The following COLEC10 variants were observed in gnomAD, a reference collection of about 807,000 sequenced individuals.
The protein encoded by COLEC10 is collectin-10.
A neutral mutation model predicts 28.4 loss-of-function variants in COLEC10; 22 were observed. That is an observed-to-expected ratio of 0.78 (90% CI 0.55 to 1.11). The LOEUF (loss-of-function observed/expected upper bound fraction) is 1.11, where lower values mean the gene tolerates loss of function less well. Among genes scored for constraint, COLEC10 ranks in the 50% least tolerant of loss-of-function variants. The probability of loss-of-function intolerance (pLI) is 0.00; values close to 1 mark genes in which losing one functional copy is unlikely to be tolerated. For missense variants in COLEC10, 361 were observed against 344.1 expected (o/e 1.05, Z -0.39); for synonymous variants, 125 against 116.1 (o/e 1.08, Z -0.49).
chr8:119,026,775 T>C (rs2130118872), intron 2 of COLEC10, among the ~76,000 whole-genome samples: 1 of 152,280 alleles, frequency 6.6e-6, no homozygotes, highest in Admixed American at 6.5e-5. Flanking sequence ...AAGCCAATCT[T>C]ATGAGGATGT....
At chr8:119,038,635 A>G (rs190603998) in intron 2 of COLEC10, among the ~76,000 whole-genome samples, 1 of 152,358 alleles carries the variant, frequency 6.6e-6, no homozygotes, top group Admixed American at 6.5e-5. Flanking sequence ...TTGTTTTAGA[A>G]ATGTATTTAA....
At chr8:119,065,871 A>G (rs1814945646), upstream of COLEC10, among the ~76,000 whole-genome samples, 3 of 151,982 alleles carry the variant, frequency 2.0e-5, no homozygotes, top group African/African-American at 4.8e-5. Context: ...AAAAAAAGAA[A>G]AAAGAAAAGA....
intron 1 of COLEC10, among the ~76,000 whole-genome samples, chr8:119,073,460 C>T (rs1182857569): frequency 6.6e-6 from 1 of 151,946 alleles, no homozygotes; most frequent in Non-Finnish European, 1.5e-5. Flanking sequence ...AGGTGTTTTC[C>T]CAAAACTTTT....
the COLEC10 span, among the ~76,000 whole-genome samples, chr8:118,970,415 G>C: frequency 1.3e-5 from 2 of 151,966 alleles, no homozygotes; most frequent in Non-Finnish European, 2.9e-5. Context: ...GTCTCTGATA[G>C]TAGCAAGAGT....
At chr8:118,997,978 G>A (rs925838180) in intron 1 of COLEC10, among the ~76,000 whole-genome samples, 2 of 152,148 alleles carry the variant, frequency 1.3e-5, no homozygotes, top group Admixed American at 6.5e-5. Flanking sequence ...ACTCCATTAA[G>A]GTGGCAGCAT....
intron 2 of COLEC10, among the ~76,000 whole-genome samples, chr8:119,019,686 C>T (rs749126517): frequency 2.6e-5 from 4 of 152,140 alleles, no homozygotes; most frequent in Non-Finnish European, 5.9e-5. Flanking sequence ...CTTACTCTAA[C>T]CAGATTCCAC....
chr8:119,091,595 G>GAAAGAAAGAAAGAA (rs1554629267), intron 3 of COLEC10, among the ~76,000 whole-genome samples: 1 of 138,488 alleles, frequency 7.2e-6, no homozygotes, highest in African/African-American at 2.8e-5. Flanking sequence ...GAGAGAGAGA[G>GAAAGAAAGAAAGAA]AGAAAGAAAG....
Position 119,067,420 on chromosome 8 carries a change from G to A in COLEC10, c.139G>A (p.Gly47Arg), listed in dbSNP as rs755025868. Residue 47 changes from glycine to arginine, a missense_variant, in exon 1 of 6, where the codon GGA becomes AGA. By Grantham distance (125) the Gly-to-Arg change is moderately radical. Around this residue, in one of 3 missense-constraint regions of COLEC10, gnomAD observed 335 missense variants for 308.5 expected, o/e 1.09. Coordinates refer to ENST00000332843, the MANE Select transcript of COLEC10 (RefSeq NM_006438.5). ...EVCATHTISP[G>R]PKGDDGEKGD... Reference sequence around the variant, plus strand: ...CTGTGCCACACACACAATTTCACCAGGACCCAAAGGTGAGGAAAGAAAACC... The same window carrying A: ...CTGTGCCACACACACAATTTCACCAAGACCCAAAGGTGAGGAAAGAAAACC... The A allele has an allele frequency of 1.2e-5, 20 of 1,612,846 alleles. No homozygotes were observed. The highest frequency in any genetic ancestry group is 1.6e-5 in the Non-Finnish European group (19 of 1,179,622).
At chr8:118,985,923 G>A in the COLEC10 span, among the ~76,000 whole-genome samples, 8 of 151,972 alleles carry the variant, frequency 5.3e-5, no homozygotes, top group South Asian at 2.1e-4. Context: ...AGTTTTCACC[G>A]TCTTTCAACA....
At chr8:118,987,977 T>C in the COLEC10 span, among the ~76,000 whole-genome samples, 1 of 152,146 alleles carries the variant, frequency 6.6e-6, no homozygotes, top group African/African-American at 2.4e-5. Context: ...AATCAACGCA[T>C]GTTTGGTTCT....
rs897335879 is a variant in COLEC10 at position 119,044,001 on chromosome 8, T to G, written n.235+34448T>G. ...AACAAAACTATAAAAAATAAATAAA[T>G]AAAACCTACAAAACAGACAGGAATG... On this transcript the variant is annotated intron_variant and non_coding_transcript_variant, in intron 2 of 6. Coordinates refer to the COLEC10 transcript ENST00000521788. Among the ~76,000 whole-genome samples the G allele has an allele frequency of 2.0e-5, 3 of 152,164 alleles. 1 individual carries two copies. The highest frequency in any genetic ancestry group is 4.4e-5 in the Non-Finnish European group (3 of 68,030).
intron 3 of COLEC10, among the ~76,000 whole-genome samples, chr8:119,091,573 A>AAGAAAGAGAGAG (rs1554629251): frequency 5.7e-4 from 80 of 140,646 alleles, no homozygotes; most frequent in Admixed American, 2.2e-3. Context: ...GAAAGAAAGA[A>AAGAAAGAGAGAG]AGAGAGAGAG....
intron 3 of COLEC10, among the ~76,000 whole-genome samples, chr8:119,091,717 C>A (rs1350830754): frequency 6.6e-6 from 1 of 152,078 alleles, no homozygotes; most frequent in African/African-American, 2.4e-5. Flanking sequence ...ATAATTCTGT[C>A]TGTCTTCATA....
At chr8:119,101,549 A>G (rs1194714580) in intron 3 of COLEC10, among the ~76,000 whole-genome samples, 1 of 152,212 alleles carries the variant, frequency 6.6e-6, no homozygotes, top group Non-Finnish European at 1.5e-5. Flanking sequence ...AAATGGTTAC[A>G]TATAAAGAAG....
At chr8:119,056,513 A>G (rs1299005377) in intron 2 of COLEC10, among the ~76,000 whole-genome samples, 1 of 152,074 alleles carries the variant, frequency 6.6e-6, no homozygotes, top group African/African-American at 2.4e-5. Context: ...TGTGAGTACA[A>G]GGAGAAAAGC....
intron 2 of COLEC10, among the ~76,000 whole-genome samples, chr8:119,038,907 A>T (rs182602118): frequency 1.3e-5 from 2 of 151,794 alleles, no homozygotes; most frequent in Admixed American, 6.6e-5. Context: ...TTTTTTTGAA[A>T]TTTTTTGCCA....
chr8:119,076,328 C>A (rs1815235612), intron 1 of COLEC10, among the ~76,000 whole-genome samples: 1 of 149,226 alleles, frequency 6.7e-6, no homozygotes, highest in Non-Finnish European at 1.5e-5. Flanking sequence ...ATGGCATGAT[C>A]TCTGCTTACT....
the COLEC10 span, among the ~76,000 whole-genome samples, chr8:118,975,910 A>G: frequency 2.0e-5 from 3 of 152,036 alleles, no homozygotes; most frequent in East Asian, 3.9e-4. Context: ...GGGTCCTTCT[A>G]TCTTTGTCAG....
Position 119,091,152 on chromosome 8 carries a change from T to C in COLEC10, c.224T>C (p.Ile75Thr), listed in dbSNP as rs1394142145. 6.2e-7 allele frequency: 1 copy of C among 1,612,446 alleles called. No homozygotes were observed. The highest frequency in any genetic ancestry group is 1.7e-5 in the Admixed American group (1 of 59,888). ...GKVGRMGPKG[I>T]KGELGDMGDQ... is the part of the protein sequence containing the mutation. ...AGATAACATGTTTGCTTTTCAGGAA[T>C]TAAAGGAGAACTGGGTGATATGGGA... Residue 75 changes from isoleucine to threonine, a missense_variant, in exon 3 of 6, where the codon ATT becomes ACT. Transcript: ENST00000332843.
Sources: gnomAD v4.1 joint callset for allele counts (sites outside exome capture counted in the v4.1 genomes callset) on GRCh38, gnomAD v4.1.1 for gene constraint, gnomAD v4.1.1 regional missense constraint, MANE v1.5 for transcripts, NCBI Gene and HGNC (gene_info 2026-07-23, HGNC 2026-07-21) for gene names.